The following SPTLC2 variants were observed in gnomAD, a reference collection of about 807,000 sequenced individuals.
The protein encoded by SPTLC2 is serine palmitoyltransferase 2.
SPTLC2 carries 21 observed loss-of-function variants against 62.0 expected under a neutral mutation model. The observed-to-expected ratio is 0.34, with a 90% CI of 0.24 to 0.49. The LOEUF is 0.49. SPTLC2 is among the 20% of genes least tolerant of loss of function. The probability of loss-of-function intolerance (pLI) is 0.99; values close to 1 mark genes in which losing one functional copy is unlikely to be tolerated. For synonymous variants in SPTLC2, 261 were observed against 261.8 expected (o/e 1.00, Z 0.03); for missense variants, 511 against 713.0 (o/e 0.72, Z 3.23).
At chr14:77,530,691 G>A (rs931853476) in intron 9 of SPTLC2, among the ~76,000 whole-genome samples, 6 of 152,158 alleles carry the variant, frequency 3.9e-5, no homozygotes, top group African/African-American at 1.2e-4. Flanking sequence ...TAAGAGTTAT[G>A]TTACAGCTAA....
intron 10 of SPTLC2, among the ~76,000 whole-genome samples, chr14:77,518,494 G>A (rs1396341605): frequency 1.3e-5 from 2 of 151,936 alleles, no homozygotes; most frequent in Non-Finnish European, 2.9e-5. Flanking sequence ...CTACTCAGGA[G>A]GCTGAGGCAT....
chr14:77,512,517 T>C (rs1046476766), intron 11 of SPTLC2, 114 bp from the exon 12 acceptor site: 4 of 1,491,272 alleles, frequency 2.7e-6, no homozygotes, highest in African/African-American at 2.8e-5. Context: ...GCAGGACTTA[T>C]GTCTAGTGCA....
intron 7 of SPTLC2, 69 bp from the exon 8 acceptor site, chr14:77,555,588 T>G: frequency 1.4e-6 from 2 of 1,457,482 alleles, no homozygotes; most frequent in Non-Finnish European, 1.9e-6. Context: ...AATTGGGAGT[T>G]TGGCACTTCA....
intron 9 of SPTLC2, among the ~76,000 whole-genome samples, chr14:77,527,979 G>A (rs1236069006): frequency 6.6e-6 from 1 of 152,122 alleles, no homozygotes; most frequent in Non-Finnish European, 1.5e-5. Flanking sequence ...TAACATTTCT[G>A]TTGTTAACTG....
At chr14:77,540,071 C>T (rs563789724) in intron 9 of SPTLC2, among the ~76,000 whole-genome samples, 1 of 152,082 alleles carries the variant, frequency 6.6e-6, no homozygotes, top group Admixed American at 6.5e-5. Flanking sequence ...TGACACATGC[C>T]TATAATCCCA....
chr14:77,560,107 C>T (rs2079606607), intron 6 of SPTLC2, among the ~76,000 whole-genome samples: 1 of 152,112 alleles, frequency 6.6e-6, no homozygotes, highest in African/African-American at 2.4e-5. Context: ...ATTATTTCCT[C>T]ATTAGATTTG....
At chr14:77,579,232 G>C in intron 2 of SPTLC2, 123 bp from the exon 3 acceptor site, 1 of 949,858 alleles carries the variant, frequency 1.1e-6, no homozygotes, top group East Asian at 2.7e-5. Flanking sequence ...TTCATTACGT[G>C]CAAGATTGTG....
In SPTLC2 at chr14:77,518,142, G is replaced by A. The variant is rs754267636; in HGVS notation, c.1465C>T (p.Arg489Trp). 3 of 1,614,094 alleles carry A rather than the reference G, an allele frequency of 1.9e-6. No individual in the cohort carries two copies. The highest frequency in any genetic ancestry group is 2.2e-5 in the South Asian group (2 of 91,084). ...CCAACCACAACGACACCGATGTTCC[G>A]CTTCAGCATCTCCCGTCCAAAGGCG... ...IGAFGREMLKRNIGVVVVGFP... is the reference protein window; with the variant it reads ...IGAFGREMLKWNIGVVVVGFP... Residue 489 changes from arginine (R) to tryptophan (W), a missense_variant, in exon 11 of 12, where the codon CGG becomes TGG. Coordinates refer to ENST00000216484, the MANE Select transcript of SPTLC2 (RefSeq NM_004863.4).
intron 7 of SPTLC2, among the ~76,000 whole-genome samples, chr14:77,556,237 C>T (rs368395067): frequency 1.3e-5 from 2 of 151,946 alleles, no homozygotes; most frequent in Non-Finnish European, 2.9e-5. Flanking sequence ...GCAGGAGAAC[C>T]GGGAAGCGGA....
intron 2 of SPTLC2, among the ~76,000 whole-genome samples, chr14:77,594,650 T>C (rs999080268): frequency 2.6e-5 from 4 of 152,154 alleles, no homozygotes; most frequent in East Asian, 1.9e-4. Context: ...ACTTCTTACT[T>C]TGATTTTCAA....
In SPTLC2 at chr14:77,531,464, C is replaced by T. The variant is rs10145028; in HGVS notation, c.1304-9883G>A. Among the ~76,000 whole-genome samples the T allele has an allele frequency of 5.9e-3, 661 of 111,498 alleles. 4 individuals carry two copies. Among genetic ancestry groups the T allele is most frequent in the Middle Eastern group, 0.014 (3 of 212 alleles). The allele number at this position is 111,498 out of a possible 152,430, so 73.1% of individuals were successfully genotyped here. A position where few individuals can be genotyped will look rare whatever the true frequency, so the allele number is the denominator to read the frequency against. On this transcript the variant is annotated intron_variant, in intron 9 of 11. Transcript: ENST00000216484. ...TTCTTCTCCTCCTTCTCCTCCTCCT[C>T]CTCCTCCTCCCCCTCCCCCTCCTCC...
chr14:77,538,213 C>G (rs1250721998), intron 9 of SPTLC2, among the ~76,000 whole-genome samples: 1 of 152,140 alleles, frequency 6.6e-6, no homozygotes, highest in Non-Finnish European at 1.5e-5. Flanking sequence ...TTTAGAGTAC[C>G]TCTACCATCA....
chr14:77,578,334 CT>C (rs879396969), intron 3 of SPTLC2, among the ~76,000 whole-genome samples: 692 of 136,646 alleles, frequency 5.1e-3, no homozygotes, highest in Middle Eastern at 7.8e-3. Flanking sequence ...GATAGCTTTT[CT>C]TTTTTTTTTT....
At chr14:77,565,841 G>T (rs2079642022) in intron 5 of SPTLC2, among the ~76,000 whole-genome samples, 1 of 152,166 alleles carries the variant, frequency 6.6e-6, no homozygotes. Flanking sequence ...CCACTGTTAT[G>T]CAAGATGTTA....
intron 9 of SPTLC2, among the ~76,000 whole-genome samples, chr14:77,534,688 G>A (rs868831204): frequency 6.7e-6 from 1 of 150,154 alleles, no homozygotes; most frequent in Non-Finnish European, 1.5e-5. Context: ...GCAAAAAGAA[G>A]ACTACACAAA....
At chr14:77,544,670 G>A (rs1263261775) in intron 9 of SPTLC2, among the ~76,000 whole-genome samples, 1 of 152,194 alleles carries the variant, frequency 6.6e-6, no homozygotes, top group Non-Finnish European at 1.5e-5. Flanking sequence ...AGGTCATTCT[G>A]AACCTGACAA....
At chr14:77,580,616 G>A (rs796610258) in intron 2 of SPTLC2, among the ~76,000 whole-genome samples, 49 of 150,548 alleles carry the variant, frequency 3.3e-4, no homozygotes, top group African/African-American at 8.5e-4. Flanking sequence ...CCAACACTTC[G>A]GGAAGCTAAG....
At position 77,514,559 on chromosome 14, in the gene SPTLC2, T is replaced by A. The variant is rs2079349441; in HGVS notation, c.1570-2156A>T. ...AACATGTATTCATTATAGAGCTGAGTAACCGAATCCTCTAGGACAGCCATC... is the reference window on the plus strand; with the variant it reads ...AACATGTATTCATTATAGAGCTGAGAAACCGAATCCTCTAGGACAGCCATC... On this transcript the variant is annotated intron_variant, in intron 11 of 11. Transcript: ENST00000216484. Among the ~76,000 whole-genome samples the A allele has an allele frequency of 2.6e-5, 4 of 152,196 alleles. No homozygotes were observed. The South Asian group carries it at 8.3e-4, about 31-fold the overall frequency.
chr14:77,557,531 AAGAC>A (rs1403625136), intron 6 of SPTLC2, among the ~76,000 whole-genome samples: 4 of 152,242 alleles, frequency 2.6e-5, no homozygotes, highest in African/African-American at 9.6e-5. Context: ...ATGCGTAAAA[AAGAC>A]AGAGCGAGAG....
Sources: gnomAD v4.1 joint callset for allele counts (sites outside exome capture counted in the v4.1 genomes callset) on GRCh38, gnomAD v4.1.1 for gene constraint, MANE v1.5 for transcripts, NCBI Gene and HGNC (gene_info 2026-07-23, HGNC 2026-07-21) for gene names.